The following FASTK variants were observed in gnomAD, a reference collection of about 807,000 sequenced individuals.
FASTK encodes the protein Fas activated serine/threonine kinase.
In FASTK, 28 loss-of-function variants were observed where a neutral mutation model predicts 60.0. The observed-to-expected ratio is 0.47, with a 90% CI of 0.35 to 0.64. The LOEUF is 0.64. Ranked by LOEUF, FASTK falls within the 30% of genes least tolerant of loss-of-function variation. The probability of loss-of-function intolerance (pLI) is 0.01; values close to 1 mark genes in which losing one functional copy is unlikely to be tolerated. For missense variants in FASTK, 595 were observed against 713.8 expected (o/e 0.83, Z 1.90); for synonymous variants, 325 against 307.9 (o/e 1.06, Z -0.58).
chr7:151,078,560 A>C lies in FASTK; in HGVS notation c.825+2T>G. On this transcript the variant is annotated splice_donor_variant, in intron 4 of 9. Transcript: ENST00000297532. LOFTEE classifies it high-confidence loss of function. ...GCACTGGAGGGTGGGTGGCAAGCCC[A>C]CCTTGCTGCTGAGTTGCGTTTCCTG... 2 of 1,612,506 alleles carry C rather than the reference A, an allele frequency of 1.2e-6. No individual in the cohort carries two copies. The highest frequency in any genetic ancestry group is 1.7e-6 in the Non-Finnish European group (2 of 1,179,014).
chr7:151,076,959 G>T lies in FASTK; in HGVS notation c.1496C>A (p.Ala499Asp). ...CAGGCCTAGGTGCCGCTCCCTCAGG[G>T]CCCTCGAGCCCAGCAGCACCCGGCC... is the stretch of plus-strand genomic sequence containing the variant. ...RDGRVLLGSRALRERHLGLMG... is the reference protein window; with the variant it reads ...RDGRVLLGSRDLRERHLGLMG... The change falls in exon 9 of 10, where the codon GCC becomes GAC. Residue 499 changes from alanine (A) to aspartate (D), a missense_variant. By Grantham distance (126) the Ala-to-Asp change is moderately radical. Coordinates refer to ENST00000297532, the MANE Select transcript of FASTK (RefSeq NM_006712.5). 6.2e-7 allele frequency: 1 copy of T among 1,612,098 alleles called. No individual in the cohort carries two copies. The highest frequency in any genetic ancestry group is 1.1e-5 in the South Asian group (1 of 91,014).
intron 2 of FASTK, 133 bp downstream of exon 2, chr7:151,079,367 A>T: frequency 1.2e-6 from 1 of 862,870 alleles, no homozygotes; most frequent in Non-Finnish European, 1.8e-6. Flanking sequence ...CCGCAGACAT[A>T]GGACGGGAGC....
In FASTK at chr7:151,076,914, G is replaced by T. The variant is rs374560885; in HGVS notation, c.1541C>A (p.Pro514Gln). The T allele has an allele frequency of 6.2e-7, 1 of 1,604,330 alleles. No individual in the cohort carries two copies. Among genetic ancestry groups the T allele is most frequent in the Non-Finnish European group, 8.5e-7 (1 of 1,174,802 alleles). ...HLGLMGYQLL[P>Q]LPFEELESQR... Reference sequence around the variant, plus strand: ...ACGGGCCAGGCCAGGGCCACTCACCGGCAGGAGCTGGTAGCCCATCAGGCC... The same window carrying T: ...ACGGGCCAGGCCAGGGCCACTCACCTGCAGGAGCTGGTAGCCCATCAGGCC... Residue 514 changes from proline (P) to glutamine (Q), a missense_variant and splice_region_variant, in exon 9 of 10, where the codon CCG becomes CAG. Around this residue, in one of 2 missense-constraint regions of FASTK, gnomAD observed 471 missense variants for 605.9 expected, o/e 0.78. Coordinates refer to ENST00000297532, the MANE Select transcript of FASTK (RefSeq NM_006712.5).
rs764207627 is a variant in FASTK at position 151,079,034 on chromosome 7, G to C, written c.506-13C>G. 1.4e-6 allele frequency: 2 copies of C among 1,447,818 alleles called. No homozygotes were observed. The allele number at this position is 1,447,818 out of a possible 1,614,324, so 89.7% of individuals were successfully genotyped here. ...TCAGATGGAAAGCCTGAGGGGGAGA[G>C]GTAAAAGGCAGCCTGGTAACAGAGC... On this transcript the variant is annotated splice_polypyrimidine_tract_variant and intron_variant, in intron 2 of 9. Transcript: ENST00000297532.
At chr7:151,080,639 G>C (rs917495703) in intron 1 of FASTK, 46 bp downstream of exon 1, 11 of 1,416,386 alleles carry the variant, frequency 7.8e-6, no homozygotes, top group Non-Finnish European at 1.0e-5. Context: ...GCTAACACCA[G>C]CTCCCGCTGC....
Position 151,077,987 on chromosome 7 carries a change from C to A in FASTK, c.931G>T (p.Ala311Ser). The A allele has an allele frequency of 6.2e-7, 1 of 1,612,376 alleles. No homozygotes were observed. ...AAGATGTTGACTGTAGCCAGGGGTG[C>A]CACCCCTGCTTCCCGAGCCAGGATC... ...ERILAREAGVAPLATVNILMS... is the reference protein window; with the variant it reads ...ERILAREAGVSPLATVNILMS... The change falls in exon 5 of 10, where the codon GCA becomes TCA. Residue 311 changes from alanine to serine, a missense_variant. Transcript: ENST00000297532.
Position 151,078,070 on chromosome 7 carries a change from G to A in FASTK, c.848C>T (p.Pro283Leu). The A allele has an allele frequency of 1.3e-6, 2 of 1,596,444 alleles. No individual in the cohort carries two copies. Among genetic ancestry groups the A allele is most frequent in the Non-Finnish European group, 1.7e-6 (2 of 1,166,014 alleles). ...SSKVVQKLVL[P>L]FGRLNYLPLE... ...GGGCAGGTAGTTCAGTCGCCCAAAG[G>A]GCAGGACCAACTTCTGTACCACCTG... The change falls in exon 5 of 10, where the codon CCC becomes CTC. Residue 283 changes from proline (P) to leucine (L), a missense_variant. Pro to Leu is a moderately conservative substitution (Grantham distance 98, BLOSUM62 -3). Coordinates refer to ENST00000297532, the MANE Select transcript of FASTK (RefSeq NM_006712.5).
chr7:151,078,811 AC>A, intron 3 of FASTK, 30 bp downstream of exon 3: 1 of 1,604,100 alleles, frequency 6.2e-7, no homozygotes. Context: ...AGCCCTCCCC[AC>A]CCCCATCTGA....
chr7:151,077,539 T>C, intron 6 of FASTK, 82 bp downstream of exon 6: 1 of 1,507,188 alleles, frequency 6.6e-7, no homozygotes, highest in Non-Finnish European at 9.0e-7. Context: ...TCCTTAGCTT[T>C]GGCGCTTCAT....
intron 5 of FASTK, 47 bp from the exon 6 acceptor site, chr7:151,077,827 T>C (rs1054530713): frequency 1.1e-5 from 17 of 1,594,658 alleles, no homozygotes; most frequent in African/African-American, 1.3e-5. Context: ...GCCACCCTGC[T>C]CCCCTGCCTC....
rs1328768249 is a variant in FASTK, at chr7:151,077,117, G to A, written c.1411C>T (p.Arg471Ter). Residue 471 changes from arginine (R) to a stop codon, truncating the protein, a stop_gained, in exon 8 of 10, where the codon CGA becomes TGA. Transcript: ENST00000297532. LOFTEE classifies it high-confidence loss of function. ...CTCCTTTACCTCTGGGCAGGGTCTC[G>A]AGTAGTGGCGCTAGAGGCAGCCTGG... ...QGQAASSATT[R>*]DPAQRVVLVL... 6.2e-7 allele frequency: 1 copy of A among 1,611,380 alleles called. No homozygotes were observed. Among genetic ancestry groups the A allele is most frequent in the South Asian group, 1.1e-5 (1 of 90,810 alleles).
chr7:151,079,618 T>C lies in FASTK; in HGVS notation c.387A>G (p.Pro129=), dbSNP rs1183395311. The C allele has an allele frequency of 1.9e-6, 3 of 1,613,656 alleles. No individual in the cohort carries two copies. In the East Asian group the frequency reaches 6.7e-5, roughly 36 times the overall value. Residue 129 remains proline, a synonymous_variant, in exon 2 of 10, where the codon CCA becomes CCG. Coordinates refer to ENST00000297532, the MANE Select transcript of FASTK (RefSeq NM_006712.5). ...RRLGQLLGSR[P]RPPPVEQVTL... ...TGACCTGCTCCACAGGAGGGGGCCG[T>C]GGCCGAGACCCCAAGAGCTGGCCCA...
At chr7:151,080,567 C>T in intron 1 of FASTK, 118 bp downstream of exon 1, 6 of 1,317,760 alleles carry the variant, frequency 4.6e-6, no homozygotes, top group South Asian at 2.0e-5. Flanking sequence ...GCGGAGTCGG[C>T]GAAGTCGGGG....
rs1797809571 is a variant in FASTK, at chr7:151,078,709, G to A, written c.686-8C>T. The A allele has an allele frequency of 9.9e-6, 16 of 1,612,570 alleles. No individual in the cohort carries two copies. The highest frequency in any genetic ancestry group is 1.4e-5 in the Non-Finnish European group (16 of 1,179,828). ...GTTCCTCTGGCCTTGCCTCTGTGAA[G>A]AGCAGCCTGTCACGCTGGGCCTCAG... On this transcript the variant is annotated splice_region_variant and splice_polypyrimidine_tract_variant and intron_variant, in intron 3 of 9. Coordinates refer to ENST00000297532, the MANE Select transcript of FASTK (RefSeq NM_006712.5).
Position 151,079,000 on chromosome 7 carries a change from A to G in FASTK, c.527T>C (p.Leu176Pro). Residue 176 changes from leucine (L) to proline (P), a missense_variant, in exon 3 of 10, where the codon CTG becomes CCG. Around this residue, in one of 2 missense-constraint regions of FASTK, gnomAD observed 471 missense variants for 605.9 expected, o/e 0.78. Coordinates refer to ENST00000297532, the MANE Select transcript of FASTK (RefSeq NM_006712.5). The stretch of plus-strand genomic sequence containing the variant: ...TCGCTCCTGTTCCAGGGCACACACC[A>G]GGGGACCATCAGATGGAAAGCCTGA... ...VLLGFPSDGPLVCALEQERRL... is the reference protein window; with the variant it reads ...VLLGFPSDGPPVCALEQERRL... 6 of 1,500,542 alleles carry G rather than the reference A, an allele frequency of 4.0e-6. No homozygotes were observed. Among genetic ancestry groups the G allele is most frequent in the Non-Finnish European group, 5.3e-6 (6 of 1,126,966 alleles). 93.0% of individuals were successfully genotyped at this position (1,500,542 alleles called of 1,614,324 possible). A position where few individuals can be genotyped will look rare whatever the true frequency, so the allele number is the denominator to read the frequency against.
Position 151,078,844 on chromosome 7 carries a change from G to A in FASTK, c.683C>T (p.Ala228Val). The change falls in exon 3 of 10, where the codon GCA (alanine) becomes GTA (valine). Residue 228 changes from alanine (A) to valine (V), a missense_variant and splice_region_variant. Ala to Val is a moderately conservative substitution (Grantham distance 64). This residue lies in a region of FASTK where 471 missense variants were observed against 605.9 expected (regional missense o/e 0.78). Coordinates refer to ENST00000297532, the MANE Select transcript of FASTK (RefSeq NM_006712.5). Reference sequence around the variant, plus strand: ...CTGATTTTAACCCCCTCCAGCACCTGCCAGGCTGCTGATCAGATGCTGCCG... The same window carrying A: ...CTGATTTTAACCCCCTCCAGCACCTACCAGGCTGCTGATCAGATGCTGCCG... ...YPRQHLISSLAEARPEELTPH... is the reference protein window; with the variant it reads ...YPRQHLISSLVEARPEELTPH... 1 of 1,607,950 alleles carries A rather than the reference G, an allele frequency of 6.2e-7. No homozygotes were observed.
chr7:151,078,257 C>T (rs2303943), intron 4 of FASTK, among the ~76,000 whole-genome samples, 165 bp from the exon 5 acceptor site: 2 of 152,206 alleles, frequency 1.3e-5, no homozygotes, highest in Admixed American at 6.5e-5. Flanking sequence ...ACGAGCTGCA[C>T]GTGACTAATC....
rs761678656 is a variant in FASTK, at chr7:151,078,887, G to A, written c.640C>T (p.Arg214Cys). 3.7e-6 allele frequency: 6 copies of A among 1,603,710 alleles called. No homozygotes were observed. The African/African-American group carries it at 6.7e-5, about 18-fold the overall frequency. Reference protein sequence around the residue: ...QGLEAALSCPRFLRYPRQHLI... With the variant: ...QGLEAALSCPCFLRYPRQHLI... ...TGCTGCCGTGGATACCGCAGAAAAC[G>A]GGGGCAGCTTAGAGCAGCTTCCAAC... is the stretch of plus-strand genomic sequence containing the variant. The change falls in exon 3 of 10, where the codon CGT (arginine) becomes TGT (cysteine). Residue 214 changes from arginine (R) to cysteine (C), a missense_variant. Physicochemically the swap from Arg to Cys is radical, Grantham distance 180. Coordinates refer to ENST00000297532, the MANE Select transcript of FASTK (RefSeq NM_006712.5).
intron 1 of FASTK, 126 bp downstream of exon 1, chr7:151,080,559 G>A (rs1797933463): frequency 7.6e-7 from 1 of 1,312,750 alleles, no homozygotes; most frequent in South Asian, 2.1e-5. Context: ...GCGATGGCGC[G>A]GAGTCGGCGA....
Sources: gnomAD v4.1 joint callset for allele counts (sites outside exome capture counted in the v4.1 genomes callset) on GRCh38, gnomAD v4.1.1 for gene constraint, gnomAD v4.1.1 regional missense constraint, MANE v1.5 for transcripts, NCBI Gene and HGNC (gene_info 2026-07-23, HGNC 2026-07-21) for gene names.